The following TMBIM1 variants were observed in gnomAD, a reference collection of about 807,000 sequenced individuals.
The protein encoded by TMBIM1 is transmembrane BAX inhibitor motif containing 1.
Under a neutral mutation model 45.1 loss-of-function variants are expected in TMBIM1, and 34 were observed. The ratio of observed to expected loss-of-function variants is 0.75; its 90% CI spans 0.57 to 1.00. TMBIM1 has a LOEUF of 1.00. Ranked by LOEUF, TMBIM1 falls within the 50% of genes least tolerant of loss-of-function variation. TMBIM1 has a pLI of 0.00. For synonymous variants in TMBIM1, 157 were observed against 153.5 expected (o/e 1.02, Z -0.17); for missense variants, 374 against 402.4 (o/e 0.93, Z 0.60).
At chr2:218,276,481 G>A (rs575406528) in intron 10 of TMBIM1, among the ~76,000 whole-genome samples, 94 of 152,218 alleles carry the variant, frequency 6.2e-4, no homozygotes, top group Middle Eastern at 3.4e-3. Flanking sequence ...ATCAAAATCC[G>A]GGAGCACCCA....
At chr2:218,282,675 G>C (rs975446317) in intron 1 of TMBIM1, among the ~76,000 whole-genome samples, 6 of 152,214 alleles carry the variant, frequency 3.9e-5, no homozygotes, top group Non-Finnish European at 8.8e-5. Context: ...TGGAGCCAAG[G>C]CTCAAAGTGG....
At position 218,276,006 on chromosome 2, in the gene TMBIM1, A is replaced by G. The variant is rs1267283495; in HGVS notation, c.789+20T>C. The G allele has an allele frequency of 6.2e-7, 1 of 1,607,730 alleles. No individual in the cohort carries two copies. Among genetic ancestry groups the G allele is most frequent in the Admixed American group, 1.7e-5 (1 of 59,082 alleles). On this transcript the variant is annotated intron_variant, in intron 11 of 11. Coordinates refer to ENST00000258412, the MANE Select transcript of TMBIM1 (RefSeq NM_022152.6). Reference sequence around the variant, plus strand: ...CCTCATCCCCTCAGCTCCCCTTCCTAGAGTGGGGCTGGGACTTACCAGGGT... The same window carrying G: ...CCTCATCCCCTCAGCTCCCCTTCCTGGAGTGGGGCTGGGACTTACCAGGGT...
At chr2:218,277,235 G>A (rs1691310450) in intron 9 of TMBIM1, 131 bp downstream of exon 9, 1 of 1,161,254 alleles carries the variant, frequency 8.6e-7, no homozygotes, top group East Asian at 2.3e-5. Flanking sequence ...GACAGAAACA[G>A]GACACAGTTT....
At chr2:218,279,113 G>T (rs369334090) in intron 4 of TMBIM1, 22 bp from the exon 5 acceptor site, 6 of 1,613,938 alleles carry the variant, frequency 3.7e-6, no homozygotes, top group Non-Finnish European at 3.4e-6. Flanking sequence ...AGGAGGACAG[G>T]AGTAGTCACC....
intron 7 of TMBIM1, 110 bp downstream of exon 7, chr2:218,277,825 A>G: frequency 6.4e-7 from 1 of 1,554,338 alleles, no homozygotes; most frequent in Non-Finnish European, 8.8e-7. Flanking sequence ...GGCCCAGATA[A>G]GGTGGAGGAG....
At chr2:218,275,718 C>G in intron 11 of TMBIM1, 97 bp from the exon 12 acceptor site, 2 of 1,432,012 alleles carry the variant, frequency 1.4e-6, no homozygotes, top group African/African-American at 2.8e-5. Flanking sequence ...ATGCGCCACA[C>G]AGTGCTTAGG....
intron 2 of TMBIM1, chr2:218,280,411 T>TG: frequency 2.7e-6 from 1 of 371,006 alleles, no homozygotes; most frequent in Non-Finnish European, 5.1e-6. Context: ...CACGATGTAG[T>TG]GGGGAAGCCA....
At chr2:218,282,379 C>T (rs1359888361) in intron 1 of TMBIM1, among the ~76,000 whole-genome samples, 198 bp from the exon 2 acceptor site, 1 of 152,230 alleles carries the variant, frequency 6.6e-6, no homozygotes, top group Non-Finnish European at 1.5e-5. Context: ...TGCCTTTGCG[C>T]CTGCTTCTTG....
chr2:218,278,597 G>A (rs772357296), intron 5 of TMBIM1, 32 bp from the exon 6 acceptor site: 51 of 1,612,994 alleles, frequency 3.2e-5, no homozygotes, highest in Non-Finnish European at 3.9e-5. Context: ...AGCAGTTCAG[G>A]CCCAAATCTG....
At chr2:218,276,005 T>G (rs564115462) in intron 11 of TMBIM1, 21 bp downstream of exon 11, 2 of 1,607,374 alleles carry the variant, frequency 1.2e-6, no homozygotes, top group East Asian at 4.5e-5. Context: ...CTCCCCTTCC[T>G]AGAGTGGGGC....
At chr2:218,291,436 C>T (rs1418831222) in intron 1 of TMBIM1, among the ~76,000 whole-genome samples, 1 of 152,316 alleles carries the variant, frequency 6.6e-6, no homozygotes, top group African/African-American at 2.4e-5. Context: ...AACCAAAGCT[C>T]ACTAATGAGA....
intron 1 of TMBIM1, among the ~76,000 whole-genome samples, chr2:218,289,566 C>T (rs1289956380): frequency 7.4e-6 from 1 of 134,244 alleles, no homozygotes; most frequent in Non-Finnish European, 1.5e-5. Context: ...CACTTGAACC[C>T]AGGAGATGTA....
intron 1 of TMBIM1, among the ~76,000 whole-genome samples, chr2:218,285,090 G>A (rs563031929): frequency 5.3e-5 from 8 of 152,076 alleles, no homozygotes; most frequent in Non-Finnish European, 1.2e-4. Context: ...ACTTTGTCTC[G>A]AAGAAAATAA....
chr2:218,277,611 G>A (rs1379198735), intron 8 of TMBIM1, 22 bp downstream of exon 8: 3 of 1,613,998 alleles, frequency 1.9e-6, no homozygotes, highest in African/African-American at 1.3e-5. Flanking sequence ...TCCCAAGAGT[G>A]GTGCTTTATC....
chr2:218,291,908 T>C (rs1246896843), intron 1 of TMBIM1, among the ~76,000 whole-genome samples: 7 of 152,020 alleles, frequency 4.6e-5, no homozygotes, highest in African/African-American at 1.5e-4. Context: ...CTTGAGCTGC[T>C]CATTGGCTTC....
chr2:218,277,330 G>A (rs765313021), intron 9 of TMBIM1, 36 bp downstream of exon 9: 2 of 1,592,064 alleles, frequency 1.3e-6, no homozygotes, highest in Non-Finnish European at 1.7e-6. Context: ...AGAAAGGGGA[G>A]TCGGGGGGCC....
intron 5 of TMBIM1, 86 bp from the exon 6 acceptor site, chr2:218,278,651 A>G: frequency 1.4e-6 from 2 of 1,474,946 alleles, no homozygotes; most frequent in Non-Finnish European, 1.9e-6. Context: ...TGGGGCCCAA[A>G]TAGCCGTTTG....
At chr2:218,275,767 T>C in intron 11 of TMBIM1, 146 bp from the exon 12 acceptor site, 12 of 1,070,320 alleles carry the variant, frequency 1.1e-5, no homozygotes, top group East Asian at 5.0e-5. Flanking sequence ...GGCTCTATAC[T>C]GTAGCTGCTC....
In TMBIM1 at chr2:218,281,975, G is replaced by A; in HGVS notation, c.167C>T (p.Pro56Leu). 1 of 1,605,282 alleles carries A rather than the reference G, an allele frequency of 6.2e-7. No individual in the cohort carries two copies. Among genetic ancestry groups the A allele is most frequent in the South Asian group, 1.1e-5 (1 of 88,886 alleles). Residue 56 changes from proline to leucine, a missense_variant, in exon 2 of 12, where the codon CCC becomes CTC. Physicochemically the swap from Pro to Leu is moderately conservative, Grantham distance 98 (BLOSUM62 -3). Transcript: ENST00000258412. ...GYGHPAGYPQ[P>L]MPPTHPMPMN... is the part of the protein sequence containing the mutation. Reference sequence around the variant, plus strand: ...GGGCATCGGGTGGGTGGGGGGCATGGGCTGTGGGTAGCCAGCAGGGTGACC... The same window carrying A: ...GGGCATCGGGTGGGTGGGGGGCATGAGCTGTGGGTAGCCAGCAGGGTGACC...
Sources: gnomAD v4.1 joint callset for allele counts (sites outside exome capture counted in the v4.1 genomes callset) on GRCh38, gnomAD v4.1.1 for gene constraint, MANE v1.5 for transcripts, NCBI Gene and HGNC (gene_info 2026-07-23, HGNC 2026-07-21) for gene names.